The following ZNG1B variants were observed in gnomAD, a reference collection of about 807,000 sequenced individuals.
ZNG1B encodes the protein Zn regulated GTPase metalloprotein activator 1B, also known as zinc-regulated GTPase metalloprotein activator 1B.
the ZNG1B span, among the ~76,000 whole-genome samples, chr2:113,473,736 T>G: frequency 6.8e-6 from 1 of 147,874 alleles, no homozygotes; most frequent in South Asian, 2.2e-4. Context: ...CTGCATCTAT[T>G]GAGATAATCA....
the ZNG1B span, among the ~76,000 whole-genome samples, chr2:113,474,014 G>T: frequency 6.6e-6 from 1 of 151,426 alleles, no homozygotes; most frequent in African/African-American, 2.4e-5. Context: ...AATGAGTTAG[G>T]GAGGATTCCC....
chr2:113,471,486 TTTA>T, the ZNG1B span, among the ~76,000 whole-genome samples: 12 of 151,526 alleles, frequency 7.9e-5, no homozygotes, highest in African/African-American at 2.9e-4. Flanking sequence ...AATTTATTTA[TTTA>T]TTATTATTAT....
the ZNG1B span, among the ~76,000 whole-genome samples, chr2:113,446,959 G>A: frequency 4.7e-5 from 7 of 149,654 alleles, no homozygotes; most frequent in African/African-American, 1.2e-4. Context: ...CTACTGAATC[G>A]GAATCTCTAA....
the ZNG1B span, chr2:113,438,157 A>G: frequency 6.3e-7 from 1 of 1,580,776 alleles, no homozygotes; most frequent in Admixed American, 1.7e-5. Context: ...GGGCTGGGTC[A>G]CTTGCTTCTC....
the ZNG1B span, among the ~76,000 whole-genome samples, chr2:113,473,559 T>C: frequency 6.6e-6 from 1 of 152,066 alleles, no homozygotes; most frequent in South Asian, 2.1e-4. Context: ...ATCCCTGTCT[T>C]GTGCCCATTT....
chr2:113,479,925 C>T, the ZNG1B span, among the ~76,000 whole-genome samples: 1 of 151,580 alleles, frequency 6.6e-6, no homozygotes, highest in Admixed American at 6.6e-5. Flanking sequence ...GGGCTTAAGC[C>T]GTCTTCCCAC....
At chr2:113,438,948 C>T in the ZNG1B span, 3 of 1,530,218 alleles carry the variant, frequency 2.0e-6, no homozygotes, top group Non-Finnish European at 2.6e-6. Context: ...ACTTTGTAGA[C>T]TGTAAGTTTA....
the ZNG1B span, chr2:113,444,233 C>T: frequency 2.9e-6 from 1 of 346,610 alleles, no homozygotes; most frequent in African/African-American, 2.1e-5. Context: ...AGAGAAAAAC[C>T]TTACATTATG....
the ZNG1B span, among the ~76,000 whole-genome samples, chr2:113,483,267 C>T: frequency 1.3e-4 from 19 of 150,936 alleles, no homozygotes; most frequent in African/African-American, 4.4e-4. Flanking sequence ...GCGTTTGGGG[C>T]GGCCAGTGTC....
At chr2:113,491,712 GAGA>G in the ZNG1B span, among the ~76,000 whole-genome samples, 6 of 139,554 alleles carry the variant, frequency 4.3e-5, no homozygotes, top group South Asian at 2.4e-4. Context: ...ACAACCTACA[GAGA>G]AGGAGAAAAT....
At chr2:113,468,607 T>C in the ZNG1B span, 1 of 147,976 alleles carries the variant, frequency 6.8e-6, no homozygotes, top group Non-Finnish European at 1.5e-5. Context: ...GGTAATGGTC[T>C]TTTTTTTCTT....
At chr2:113,487,924 T>A in the ZNG1B span, among the ~76,000 whole-genome samples, 1 of 152,064 alleles carries the variant, frequency 6.6e-6, no homozygotes, top group Non-Finnish European at 1.5e-5. Context: ...CTGCTTTTTG[T>A]ATTACTAGTA....
the ZNG1B span, among the ~76,000 whole-genome samples, chr2:113,472,070 C>T: frequency 1.4e-5 from 2 of 147,954 alleles, no homozygotes; most frequent in South Asian, 4.3e-4. Context: ...CTGACTTCCA[C>T]AATGGTTGAA....
chr2:113,461,507 T>C, the ZNG1B span, among the ~76,000 whole-genome samples: 1 of 152,188 alleles, frequency 6.6e-6, no homozygotes, highest in East Asian at 1.9e-4. Context: ...ACCTGCTCTT[T>C]CAGTGAACTA....
At chr2:113,463,557 T>C in the ZNG1B span, among the ~76,000 whole-genome samples, 1 of 152,168 alleles carries the variant, frequency 6.6e-6, no homozygotes, top group Admixed American at 6.5e-5. Context: ...AACTTTACTA[T>C]AAAAAAATAT....
chr2:113,477,412 A>G, the ZNG1B span, among the ~76,000 whole-genome samples: 2 of 151,948 alleles, frequency 1.3e-5, no homozygotes, highest in Non-Finnish European at 2.9e-5. Flanking sequence ...ACCTGCGCCC[A>G]CTGTCTGGCA....
chr2:113,487,112 C>T, the ZNG1B span, among the ~76,000 whole-genome samples: 22 of 152,110 alleles, frequency 1.4e-4, no homozygotes, highest in African/African-American at 5.3e-4. Context: ...TTTAGTCAGA[C>T]TGCATAAGAT....
chr2:113,467,134 A>T, the ZNG1B span, among the ~76,000 whole-genome samples: 2 of 151,646 alleles, frequency 1.3e-5, no homozygotes, highest in Admixed American at 6.6e-5. Flanking sequence ...CTCTTACAGA[A>T]GTTTTGTTTT....
At chr2:113,471,723 A>C in the ZNG1B span, among the ~76,000 whole-genome samples, 1 of 149,904 alleles carries the variant, frequency 6.7e-6, no homozygotes, top group Non-Finnish European at 1.5e-5. Context: ...ATGAGTGAGA[A>C]TATGCGGTGT....
Sources: gnomAD v4.1 joint callset for allele counts (sites outside exome capture counted in the v4.1 genomes callset) on GRCh38, gnomAD v4.1.1 for gene constraint, MANE v1.5 for transcripts, NCBI Gene and HGNC (gene_info 2026-07-23, HGNC 2026-07-21) for gene names.